The following KIF18A variants were observed in gnomAD, a reference collection of about 807,000 sequenced individuals.
The protein encoded by KIF18A is kinesin family member 18A.
In KIF18A, 67 loss-of-function variants were observed where a neutral mutation model predicts 103.3. The observed-to-expected ratio is 0.65, with a 90% confidence interval of 0.53 to 0.79. The LOEUF is 0.79. Ranked by LOEUF, KIF18A falls within the 30% of genes least tolerant of loss-of-function variation. The pLI, the probability that KIF18A is intolerant of heterozygous loss-of-function variation, is 0.00. For synonymous variants in KIF18A, 367 were observed against 355.5 expected (o/e 1.03, Z -0.36); for missense variants, 1,032 against 1,062.5 (o/e 0.97, Z 0.40).
At chr11:28,098,029 GT>G in intron 1 of KIF18A, 36 bp from the exon 2 acceptor site, 4 of 1,103,642 alleles carry the variant, frequency 3.6e-6, no homozygotes, top group Non-Finnish European at 5.1e-6. Context: ...TTTAATATCA[GT>G]TTTTACTTTC....
intron 13 of KIF18A, among the ~76,000 whole-genome samples, chr11:28,045,611 A>T (rs1850621534): frequency 6.6e-6 from 1 of 152,074 alleles, no homozygotes; most frequent in Non-Finnish European, 1.5e-5. Context: ...TAACATACAC[A>T]TGTCACTTCT....
chr11:28,081,553 T>C (rs1851165391), intron 9 of KIF18A, among the ~76,000 whole-genome samples: 1 of 152,124 alleles, frequency 6.6e-6, no homozygotes. Context: ...TGTTAAGACC[T>C]ATTGCTCAGA....
intron 3 of KIF18A, among the ~76,000 whole-genome samples, chr11:28,092,751 T>C (rs1380651229): frequency 6.6e-6 from 1 of 152,228 alleles, no homozygotes; most frequent in African/African-American, 2.4e-5. Context: ...TGATAATTCA[T>C]TGCTGGTACA....
At chr11:28,061,854 G>A (rs1850860188) in intron 12 of KIF18A, among the ~76,000 whole-genome samples, 1 of 151,970 alleles carries the variant, frequency 6.6e-6, no homozygotes, top group Non-Finnish European at 1.5e-5. Context: ...AAAAGATTAA[G>A]CCATACTTTT....
chr11:28,062,332 A>C, intron 12 of KIF18A, 63 bp downstream of exon 12: 1 of 1,438,122 alleles, frequency 7.0e-7, no homozygotes, highest in Non-Finnish European at 9.3e-7. Flanking sequence ...GCAGTGGAAA[A>C]TTGAACTTCT....
chr11:28,097,720 A>G lies in KIF18A; in HGVS notation c.228T>C (p.Phe76=). The part of the protein sequence containing the change: ...KKQNKDLKFV[F]DAVFDETSTQ... ...TTGACGTTTCATCAAAAACAGCATC[A>G]AATACAAATTTAAGATCCTTATTTT... The change falls in exon 2 of 17, where the codon TTT becomes TTC. Residue 76 remains phenylalanine, a synonymous_variant. Coordinates refer to ENST00000263181, the MANE Select transcript of KIF18A (RefSeq NM_031217.4). The G allele has an allele frequency of 6.2e-7, 1 of 1,611,086 alleles. No homozygotes were observed. Among genetic ancestry groups the G allele is most frequent in the Non-Finnish European group, 8.5e-7 (1 of 1,177,792 alleles).
rs762473893 is a variant in KIF18A, at chr11:28,097,659, T to C, written c.289A>G (p.Ile97Val). ...TATCCATTCAAAAAACTACGAAGAA[T>C]TGGCTTAGTAGTGTGTTCAAAAACT... Reference protein sequence around the residue: ...SEVFEHTTKPILRSFLNGYNC... With the variant: ...SEVFEHTTKPVLRSFLNGYNC... The change falls in exon 2 of 17, where the codon ATT becomes GTT. Residue 97 changes from isoleucine (I) to valine (V), a missense_variant. Physicochemically the swap from Ile to Val is conservative, Grantham distance 29. Transcript: ENST00000263181. The C allele has an allele frequency of 6.2e-6, 10 of 1,610,426 alleles. No homozygotes were observed. In the East Asian group the frequency reaches 2.2e-4, roughly 36 times the overall value.
intron 11 of KIF18A, among the ~76,000 whole-genome samples, chr11:28,064,125 A>G (rs1275071523): frequency 6.6e-6 from 1 of 151,226 alleles, no homozygotes; most frequent in Non-Finnish European, 1.5e-5. Context: ...AATTCATTAT[A>G]CTTCAAGAAA....
At chr11:28,081,438 G>C (rs922983818) in intron 9 of KIF18A, among the ~76,000 whole-genome samples, 1 of 152,122 alleles carries the variant, frequency 6.6e-6, no homozygotes, top group South Asian at 2.1e-4. Flanking sequence ...AAACATCCTA[G>C]GGCCCTTATG....
intron 16 of KIF18A, among the ~76,000 whole-genome samples, chr11:28,021,603 C>A (rs145207056): frequency 1.3e-5 from 2 of 152,230 alleles, no homozygotes; most frequent in East Asian, 3.9e-4. Flanking sequence ...ACAAGCATTT[C>A]TTCATTTTCT....
chr11:28,102,376 C>T (rs896682445), intron 1 of KIF18A, among the ~76,000 whole-genome samples: 7 of 152,254 alleles, frequency 4.6e-5, no homozygotes, highest in African/African-American at 1.4e-4. Context: ...TGGAAGCCCC[C>T]GCTTTGAGTT....
At chr11:28,077,823 G>A (rs1851114953) in intron 9 of KIF18A, among the ~76,000 whole-genome samples, 1 of 152,136 alleles carries the variant, frequency 6.6e-6, no homozygotes, top group South Asian at 2.1e-4. Flanking sequence ...AAAAGCTGCT[G>A]CAGTGTGCTT....
Position 28,021,243 on chromosome 11 carries a change from A to G in KIF18A, c.2654T>C (p.Val885Ala). 6.7e-7 allele frequency: 1 copy of G among 1,498,888 alleles called. No individual in the cohort carries two copies. The highest frequency in any genetic ancestry group is 9.0e-7 in the Non-Finnish European group (1 of 1,117,168). 92.8% of individuals were successfully genotyped at this position (1,498,888 alleles called of 1,614,324 possible). A position where few individuals can be genotyped will look rare whatever the true frequency, so the allele number is the denominator to read the frequency against. Residue 885 changes from valine (V) to alanine (A), a missense_variant, in exon 17 of 17, where the codon GTT (valine) becomes GCT (alanine). Val to Ala is a moderately conservative substitution (Grantham distance 64). Transcript: ENST00000263181. Reference protein sequence around the residue: ...RNICKINPSMVRKFGRNISKG... With the variant: ...RNICKINPSMARKFGRNISKG... ...TGAAATATTTCTTCCAAATTTTCTA[A>G]CCATGCTTGGATTTATTTTACAGAT... is the stretch of plus-strand genomic sequence containing the variant.
At chr11:28,034,827 T>C (rs1489696728) in intron 15 of KIF18A, among the ~76,000 whole-genome samples, 5 of 151,724 alleles carry the variant, frequency 3.3e-5, no homozygotes, top group African/African-American at 1.2e-4. Flanking sequence ...CTCTGGGATC[T>C]CAGGCTCTCC....
intron 3 of KIF18A, 79 bp from the exon 4 acceptor site, chr11:28,091,592 A>G (rs1851305714): frequency 4.6e-6 from 3 of 654,018 alleles, no homozygotes; most frequent in South Asian, 4.3e-5. Context: ...CTGCTAATTT[A>G]AAGTTATTAG....
chr11:28,094,555 C>T (rs1234096879), intron 3 of KIF18A, 88 bp downstream of exon 3: 1 of 859,440 alleles, frequency 1.2e-6, no homozygotes, highest in Non-Finnish European at 1.8e-6. Context: ...TATATATTCA[C>T]CGGAAAACTC....
chr11:28,063,984 A>C (rs1030598070), intron 11 of KIF18A, among the ~76,000 whole-genome samples: 4 of 151,720 alleles, frequency 2.6e-5, no homozygotes, highest in African/African-American at 9.7e-5. Flanking sequence ...TCCTTTTTAG[A>C]AAGTACTTCC....
intron 13 of KIF18A, among the ~76,000 whole-genome samples, chr11:28,040,413 C>G (rs1850543505): frequency 6.6e-6 from 1 of 151,686 alleles, no homozygotes. Context: ...TGGGAAAACA[C>G]TATCTAACAA....
At chr11:28,034,742 T>C (rs1306264129) in intron 15 of KIF18A, among the ~76,000 whole-genome samples, 2 of 151,764 alleles carry the variant, frequency 1.3e-5, no homozygotes, top group Non-Finnish European at 2.9e-5. Flanking sequence ...CTATGCCTTA[T>C]GCCATAAATT....
Sources: gnomAD v4.1 joint callset for allele counts (sites outside exome capture counted in the v4.1 genomes callset) on GRCh38, gnomAD v4.1.1 for gene constraint, MANE v1.5 for transcripts, NCBI Gene and HGNC (gene_info 2026-07-23, HGNC 2026-07-21) for gene names.